TECPR2: variants seen among roughly 807,000 people sequenced by gnomAD.
TECPR2 encodes tectonin beta-propeller repeat-containing protein 2.
A neutral mutation model predicts 138.1 loss-of-function variants in TECPR2; 65 were observed. The ratio of observed to expected loss-of-function variants is 0.47; its 90% confidence interval spans 0.39 to 0.58. TECPR2 has a LOEUF of 0.58. Ranked by LOEUF, TECPR2 falls within the 20% of genes least tolerant of loss-of-function variation. The pLI, the probability that TECPR2 is intolerant of heterozygous loss-of-function variation, is 0.00. For missense variants in TECPR2, 1,553 were observed against 1,824.5 expected, an observed-to-expected ratio of 0.85 and a Z score of 2.71; for synonymous variants, 746 against 749.8, an observed-to-expected ratio of 0.99 and a Z score of 0.08.
intron 2 of TECPR2, among the ~76,000 whole-genome samples, chr14:102,397,229 A>C (rs1175297088): frequency 6.6e-6 from 1 of 152,138 alleles, no homozygotes; most frequent in Non-Finnish European, 1.5e-5. Context: ...ACACAGAATA[A>C]CAAAACCCAG....
At chr14:102,486,205 A>G (rs1399817747) in intron 17 of TECPR2, among the ~76,000 whole-genome samples, 1 of 152,230 alleles carries the variant, frequency 6.6e-6, no homozygotes, top group Non-Finnish European at 1.5e-5. Context: ...ACAGGCCAGA[A>G]GAGAGCAGCA....
chr14:102,429,090 G>A (rs775444229), intron 7 of TECPR2, among the ~76,000 whole-genome samples: 2 of 152,100 alleles, frequency 1.3e-5, no homozygotes, highest in Non-Finnish European at 2.9e-5. Flanking sequence ...CAGGCGATCC[G>A]CCTGCCTCCG....
At position 102,419,233 on chromosome 14, in the gene TECPR2, G is replaced by A. The variant is rs570676920; in HGVS notation, c.638+4440G>A. Among the ~76,000 whole-genome samples the A allele has an allele frequency of 7.9e-5, 12 of 152,246 alleles. No individual in the cohort carries two copies. The highest frequency in any genetic ancestry group is 5.8e-4 in the East Asian group (3 of 5,162). ...GACCGGGGGCTGAGGCAGCTTCGAC[G>A]GGCCTGAGTCTGTAGCATGGAGGCT... On this transcript the variant is annotated intron_variant, in intron 5 of 19. Coordinates refer to ENST00000359520, the MANE Select transcript of TECPR2 (RefSeq NM_014844.5). This position sits in a 1 kb window ranked among gnomAD's most constrained non-coding sequence, Gnocchi z 4.8.
rs549676409 is a variant in TECPR2 at position 102,458,928 on chromosome 14, A to C, written c.3641-6213A>C. Among the ~76,000 whole-genome samples the C allele has an allele frequency of 9.0e-4, 134 of 149,096 alleles. 2 individuals carry two copies. The highest frequency in any genetic ancestry group is 3.2e-3 in the African/African-American group (130 of 40,192). ...AAGCTGAGCCTAATCTAGGCAACAG[A>C]GCAAGCTCCTGTTTCTTAAAAAAAA... On this transcript the variant is annotated intron_variant, in intron 16 of 19. Coordinates refer to ENST00000359520, the MANE Select transcript of TECPR2 (RefSeq NM_014844.5).
chr14:102,451,545 C>T (rs1309677150), intron 15 of TECPR2, among the ~76,000 whole-genome samples: 1 of 152,066 alleles, frequency 6.6e-6, no homozygotes. Context: ...TGCCTCCAGC[C>T]TTGGTTGATC....
At position 102,483,857 on chromosome 14, in the gene TECPR2, C is replaced by T. The variant is rs1379538211; in HGVS notation, c.3790-13122C>T. ...TGTTGCCCAGGCTGGAGTGCAGTGG[C>T]GCAATCTGGGCTCACTACAGCCTCT... On this transcript the variant is annotated intron_variant, in intron 17 of 19. Transcript: ENST00000359520. Among the ~76,000 whole-genome samples the T allele has an allele frequency of 6.6e-5, 9 of 136,674 alleles. No homozygotes were observed. In the South Asian group the frequency reaches 6.9e-4, roughly 10 times the overall value. 89.7% of individuals were successfully genotyped at this position (136,674 alleles called of 152,430 possible).
chr14:102,432,662 T>A (rs1889536973), intron 8 of TECPR2, among the ~76,000 whole-genome samples: 1 of 151,670 alleles, frequency 6.6e-6, no homozygotes, highest in Admixed American at 6.6e-5. Context: ...CCCAAAGTGC[T>A]GGGATTACAG....
rs944876356 is a variant in TECPR2, at chr14:102,419,456, T to G, written c.638+4663T>G. On this transcript the variant is annotated intron_variant, in intron 5 of 19. Coordinates refer to ENST00000359520, the MANE Select transcript of TECPR2 (RefSeq NM_014844.5). The surrounding 1 kb of genome is among the most constrained non-coding windows in gnomAD (Gnocchi z 4.8). The stretch of plus-strand genomic sequence containing the variant: ...GGCCGTGTGGCAGCACATTGGTGTG[T>G]GACGCGGGTGCCTGTGGAGGGAACA... 6.6e-6 allele frequency among the ~76,000 whole-genome samples: 1 copy of G among 152,016 alleles called. No individual in the cohort carries two copies.
At chr14:102,387,775 C>T (rs1490954795) in intron 2 of TECPR2, among the ~76,000 whole-genome samples, 3 of 152,314 alleles carry the variant, frequency 2.0e-5, no homozygotes, top group African/African-American at 7.2e-5. Context: ...ATCCACTCGC[C>T]TCAGCCTCCC....
In TECPR2 at chr14:102,431,866, G is replaced by A. The variant is rs1381068013; in HGVS notation, c.1155G>A (p.Gly385=). 2 of 1,603,154 alleles carry A rather than the reference G, an allele frequency of 1.2e-6. No individual in the cohort carries two copies. Among genetic ancestry groups the A allele is most frequent in the Non-Finnish European group, 1.7e-6 (2 of 1,171,110 alleles). ...TGCAGCAAGCGGAGAAGCTGCCAGG[G>A]GCCACAGTTTCTGAGACGAGGCTCA... ...VHVQQAEKLP[G]ATVSETRLRG... Residue 385 remains glycine (G), a synonymous_variant, in exon 8 of 20, where the codon GGG becomes GGA. Coordinates refer to ENST00000359520, the MANE Select transcript of TECPR2 (RefSeq NM_014844.5).
intron 2 of TECPR2, among the ~76,000 whole-genome samples, chr14:102,397,983 G>A (rs1951639924): frequency 1.4e-5 from 2 of 146,118 alleles, no homozygotes; most frequent in Non-Finnish European, 1.5e-5. Flanking sequence ...TGAGGCAGGA[G>A]AATCACTTGT....
intron 5 of TECPR2, among the ~76,000 whole-genome samples, chr14:102,416,185 G>A (rs866175612): frequency 3.3e-5 from 5 of 151,868 alleles, no homozygotes; most frequent in African/African-American, 7.3e-5. Flanking sequence ...GCAGTGGTGC[G>A]ATCTTGGCTC....
intron 4 of TECPR2, among the ~76,000 whole-genome samples, chr14:102,414,368 A>T (rs147414548): frequency 2.6e-3 from 389 of 152,374 alleles, no homozygotes; most frequent in African/African-American, 9.1e-3. Context: ...TACTGAGGAC[A>T]TGTTTTTAAA....
intron 12 of TECPR2, 137 bp from the exon 13 acceptor site, chr14:102,445,669 G>A: frequency 1.8e-6 from 2 of 1,093,048 alleles, no homozygotes; most frequent in African/African-American, 3.2e-5. Flanking sequence ...TCCTTCCCTG[G>A]CACCTGCTGA....
At chr14:102,412,453 T>G (rs766034124) in intron 4 of TECPR2, among the ~76,000 whole-genome samples, 4 of 152,134 alleles carry the variant, frequency 2.6e-5, no homozygotes, top group Non-Finnish European at 5.9e-5. Context: ...TAATACAATA[T>G]CAAAAAAATA....
chr14:102,451,612 G>A (rs988026484), intron 15 of TECPR2, among the ~76,000 whole-genome samples: 2 of 152,044 alleles, frequency 1.3e-5, no homozygotes, highest in South Asian at 2.1e-4. Flanking sequence ...ACCGGGGAGC[G>A]CCTGGCCCCT....
chr14:102,473,195 AG>A (rs1567356568), intron 17 of TECPR2, among the ~76,000 whole-genome samples: 1 of 152,266 alleles, frequency 6.6e-6, no homozygotes, highest in Non-Finnish European at 1.5e-5. Context: ...GGCCTGGGCC[AG>A]GACCAACTGC....
intron 2 of TECPR2, among the ~76,000 whole-genome samples, chr14:102,405,277 C>G (rs1341034546): frequency 6.6e-6 from 1 of 152,098 alleles, no homozygotes; most frequent in Middle Eastern, 3.2e-3. Context: ...CCATTGCACT[C>G]CAGCCTGGGC....
intron 16 of TECPR2, among the ~76,000 whole-genome samples, chr14:102,463,864 C>T (rs1890479962): frequency 2.6e-5 from 4 of 152,210 alleles, no homozygotes; most frequent in Admixed American, 2.6e-4. Context: ...GCAGAGGTTG[C>T]AGTGAGCCAA....
Sources: allele counts gnomAD v4.1 joint callset (sites outside exome capture counted in the v4.1 genomes callset), GRCh38; gene constraint gnomAD v4.1.1; non-coding constraint Gnocchi (gnomAD v3.1); transcripts MANE v1.5; gene names NCBI Gene and HGNC (gene_info 2026-07-23, HGNC 2026-07-21).